Variants in CEP250 observed in about 807,000 individuals in gnomAD.
CEP250 encodes centrosome-associated protein CEP250.
Under a neutral mutation model 315.7 loss-of-function variants are expected in CEP250, and 242 were observed. The observed-to-expected ratio is 0.77, with a 90% CI of 0.69 to 0.85. The LOEUF is 0.85. Ranked by LOEUF, CEP250 falls within the 40% of genes least tolerant of loss-of-function variation. The pLI is 0.00. For synonymous variants in CEP250, 1,088 were observed against 1,175.0 expected (o/e 0.93, Z 1.51); for missense variants, 2,515 against 2,886.4 (o/e 0.87, Z 2.95).
intron 1 of CEP250, among the ~76,000 whole-genome samples, chr20:35,457,209 C>T (rs1330554677): frequency 1.3e-5 from 2 of 152,114 alleles, no homozygotes; most frequent in African/African-American, 2.4e-5. Flanking sequence ...ATAAACCAGG[C>T]TGTGTTTTAG....
rs1156420892 is a variant in CEP250, at chr20:35,504,707, T to C, written c.6338T>C (p.Leu2113Pro). The C allele has an allele frequency of 1.2e-5, 19 of 1,614,176 alleles. No individual in the cohort carries two copies. The highest frequency in any genetic ancestry group is 1.6e-5 in the Non-Finnish European group (19 of 1,180,030). ...LAQKEQEILE[L>P]RETQQRNNLE... ...CAAAAGGAACAGGAGATTCTGGAGCTGAGGGAGACCCAGCAAAGGAACAAC... is the reference window on the plus strand; with the variant it reads ...CAAAAGGAACAGGAGATTCTGGAGCCGAGGGAGACCCAGCAAAGGAACAAC... Residue 2113 changes from leucine (L) to proline (P), a missense_variant, in exon 30 of 35, where the codon CTG becomes CCG. Physicochemically the swap from Leu to Pro is moderately conservative, Grantham distance 98. Transcript: ENST00000397527.
At chr20:35,484,766 T>C (rs375810258) in intron 20 of CEP250, among the ~76,000 whole-genome samples, 19 of 152,312 alleles carry the variant, frequency 1.2e-4, no homozygotes, top group African/African-American at 4.1e-4. Flanking sequence ...AAGGACTATA[T>C]GCTAGGCTTT....
intron 1 of CEP250, among the ~76,000 whole-genome samples, chr20:35,456,510 C>G (rs1274442749): frequency 6.6e-6 from 1 of 152,214 alleles, no homozygotes; most frequent in Non-Finnish European, 1.5e-5. Context: ...GAGGTCACAA[C>G]AAAACCAAGG....
In CEP250 at chr20:35,511,926, CCTCCTTCATCTT is replaced by C; in HGVS notation, c.*309_*320del. The C allele has an allele frequency of 8.5e-7, 1 of 1,174,226 alleles. No individual in the cohort carries two copies. The highest frequency in any genetic ancestry group is 1.1e-6 in the Non-Finnish European group (1 of 949,542). The allele number at this position is 1,174,226 out of a possible 1,614,324, so 72.7% of individuals were successfully genotyped here. A position where few individuals can be genotyped will look rare whatever the true frequency, so the allele number is the denominator to read the frequency against. ...AATTTATTTTCCTAGCACTTCACCA[CCTCCTTCATCTT>C]CTCCTTCAACAATAAACCCTGGGAT... is the stretch of plus-strand genomic sequence containing the variant. On this transcript the variant is annotated 3_prime_UTR_variant, in exon 35 of 35. Coordinates refer to ENST00000397527, the MANE Select transcript of CEP250 (RefSeq NM_007186.6).
intron 3 of CEP250, among the ~76,000 whole-genome samples, chr20:35,460,453 G>A (rs1213777584): frequency 6.6e-6 from 1 of 152,212 alleles, no homozygotes; most frequent in African/African-American, 2.4e-5. Context: ...GTGCATAGGG[G>A]AGGCCATGAT....
intron 15 of CEP250, 31 bp from the exon 16 acceptor site, chr20:35,476,418 A>G: frequency 1.3e-6 from 2 of 1,597,532 alleles, no homozygotes; most frequent in Non-Finnish European, 1.7e-6. Flanking sequence ...AATTGGAAAT[A>G]TGAAACTCTT....
In CEP250 at chr20:35,477,950, C is replaced by T. The variant is rs531444330; in HGVS notation, c.1943C>T (p.Ala648Val). 40 of 1,611,692 alleles carry T rather than the reference C, an allele frequency of 2.5e-5. 1 individual carries two copies. In the South Asian group the frequency reaches 2.7e-4, roughly 11 times the overall value. ...QARNALQVDL[A>V]EAEKRREALW... ...AGAAATGCTTTGCAGGTCGACCTGG[C>T]GGAGGCAGAGAAGAGGAGGGAAGCC... Residue 648 changes from alanine (A) to valine (V), a missense_variant, in exon 17 of 35, where the codon GCG becomes GTG. Coordinates refer to ENST00000397527, the MANE Select transcript of CEP250 (RefSeq NM_007186.6).
At chr20:35,458,892 A>G (rs1302671119) in intron 2 of CEP250, among the ~76,000 whole-genome samples, 2 of 151,150 alleles carry the variant, frequency 1.3e-5, no homozygotes, top group Non-Finnish European at 2.9e-5. Flanking sequence ...GAAAAATTGC[A>G]TAGTACAGAG....
chr20:35,465,682 G>A, intron 5 of CEP250, 61 bp from the exon 6 acceptor site: 1 of 1,245,054 alleles, frequency 8.0e-7, no homozygotes, highest in Non-Finnish European at 1.1e-6. Flanking sequence ...GGAGCCTTAG[G>A]GAACTGGTCT....
chr20:35,486,899 A>G (rs1257478359), intron 20 of CEP250, among the ~76,000 whole-genome samples: 6 of 152,230 alleles, frequency 3.9e-5, no homozygotes, highest in Non-Finnish European at 8.8e-5. Flanking sequence ...TGAAAACTCC[A>G]TAAATAAAAG....
chr20:35,490,890 GC>G, intron 21 of CEP250, 86 bp downstream of exon 21: 1 of 1,475,332 alleles, frequency 6.8e-7, no homozygotes, highest in Non-Finnish European at 9.2e-7. Flanking sequence ...CAAGAGGAGT[GC>G]TGCAGAGGGG....
In CEP250 at chr20:35,516,315, A is replaced by G. The variant is rs769738864; in HGVS notation, c.*4689A>G. On this transcript the variant is annotated 3_prime_UTR_variant, in exon 35 of 35. Transcript: ENST00000397527. ...TGAGGGAATCAGGGAAGGCCAGATTAATAATCCACACATTGCCCTTGCACC... is the reference window on the plus strand; with the variant it reads ...TGAGGGAATCAGGGAAGGCCAGATTGATAATCCACACATTGCCCTTGCACC... The G allele has an allele frequency of 2.0e-5, 3 of 152,242 alleles. No homozygotes were observed. The highest frequency in any genetic ancestry group is 4.4e-5 in the Non-Finnish European group (3 of 68,042). The allele number at this position is 152,242 out of a possible 1,614,324, so 9.4% of individuals were successfully genotyped here. A position where few individuals can be genotyped will look rare whatever the true frequency, so the allele number is the denominator to read the frequency against.
At chr20:35,495,638 C>A (rs905757388) in intron 24 of CEP250, among the ~76,000 whole-genome samples, 2 of 152,098 alleles carry the variant, frequency 1.3e-5, no homozygotes, top group Non-Finnish European at 2.9e-5. Context: ...GTAATGCCAG[C>A]TACTTGGAAG....
At chr20:35,505,652 CA>C (rs57141703) in intron 30 of CEP250, among the ~76,000 whole-genome samples, 6,975 of 103,018 alleles carry the variant, frequency 0.068, 195 homozygotes, top group East Asian at 0.15. Context: ...GACTCCATCT[CA>C]AAAAAAAAAA....
intron 27 of CEP250, among the ~76,000 whole-genome samples, chr20:35,499,784 C>T (rs1408952429): frequency 6.6e-6 from 1 of 152,168 alleles, no homozygotes; most frequent in Non-Finnish European, 1.5e-5. Flanking sequence ...GACCCCTGGG[C>T]TAACTTTGAG....
At chr20:35,487,094 G>A (rs1176321222) in intron 20 of CEP250, among the ~76,000 whole-genome samples, 3 of 152,092 alleles carry the variant, frequency 2.0e-5, no homozygotes, top group African/African-American at 7.2e-5. Flanking sequence ...GATTGAGCAG[G>A]TCAACTGCCC....
chr20:35,475,413 G>A, intron 14 of CEP250, 89 bp from the exon 15 acceptor site: 2 of 1,330,078 alleles, frequency 1.5e-6, no homozygotes, highest in Non-Finnish European at 2.1e-6. Flanking sequence ...TCATTCTGTT[G>A]CATAGCAAAG....
chr20:35,490,601 C>T (rs1159104636), intron 20 of CEP250, 36 bp from the exon 21 acceptor site: 1 of 1,595,568 alleles, frequency 6.3e-7, no homozygotes, highest in East Asian at 2.2e-5. Context: ...CCTCCTCACC[C>T]ATTTGGTTCT....
intron 30 of CEP250, among the ~76,000 whole-genome samples, chr20:35,505,867 G>C (rs2064172494): frequency 6.6e-6 from 1 of 152,148 alleles, no homozygotes; most frequent in Non-Finnish European, 1.5e-5. Context: ...TCATGCTGAG[G>C]ACCTGGGTGG....
Sources: allele counts gnomAD v4.1 joint callset (sites outside exome capture counted in the v4.1 genomes callset), GRCh38; gene constraint gnomAD v4.1.1; transcripts MANE v1.5; gene names NCBI Gene and HGNC (gene_info 2026-07-23, HGNC 2026-07-21).